LRRFIP2: variants seen among roughly 807,000 people sequenced by gnomAD.
The protein encoded by LRRFIP2 is leucine-rich repeat flightless-interacting protein 2.
A neutral mutation model predicts 125.9 loss-of-function variants in LRRFIP2; 109 were observed. The ratio of observed to expected loss-of-function variants is 0.87; its 90% CI spans 0.74 to 1.01. The LOEUF is 1.01. LRRFIP2 is among the 50% of genes least tolerant of loss of function. The pLI is 0.00. For missense variants in LRRFIP2, 850 were observed against 862.3 expected (o/e 0.99, Z 0.18); for synonymous variants, 291 against 293.1 (o/e 0.99, Z 0.07).
chr3:37,155,027 T>C (rs977108856), intron 1 of LRRFIP2, among the ~76,000 whole-genome samples: 2 of 152,354 alleles, frequency 1.3e-5, no homozygotes, highest in South Asian at 2.1e-4. Context: ...GTATATGGAA[T>C]TGTCCCTGAA....
intron 12 of LRRFIP2, among the ~76,000 whole-genome samples, chr3:37,108,331 C>T (rs1213683698): frequency 6.6e-6 from 1 of 152,194 alleles, no homozygotes; most frequent in East Asian, 1.9e-4. Context: ...GAAGGGGATG[C>T]CCTGAGAAGT....
At position 37,053,595 on chromosome 3, in the gene LRRFIP2, T is replaced by G; in HGVS notation, c.*256A>C. On this transcript the variant is annotated 3_prime_UTR_variant, in exon 28 of 28. Coordinates refer to ENST00000336686, the MANE Select transcript of LRRFIP2 (RefSeq NM_006309.4). ...GGGGAAAAACGTTGAGTAAACATGA[T>G]TCTACAATTACGGAGATAAAAAATA... is the stretch of plus-strand genomic sequence containing the variant. 1 of 408,892 alleles carries G rather than the reference T, an allele frequency of 2.4e-6. No homozygotes were observed. The highest frequency in any genetic ancestry group is 4.5e-6 in the Non-Finnish European group (1 of 224,148). 25.3% of individuals were successfully genotyped at this position (408,892 alleles called of 1,614,324 possible). A position where few individuals can be genotyped will look rare whatever the true frequency, so the allele number is the denominator to read the frequency against.
chr3:37,113,033 A>C, intron 7 of LRRFIP2, 53 bp from the exon 8 acceptor site: 1 of 992,218 alleles, frequency 1.0e-6, no homozygotes, highest in Non-Finnish European at 1.6e-6. Context: ...GAAGTTATGA[A>C]AATAATAAAA....
rs986670798 is a variant in LRRFIP2, at chr3:37,118,923, C to T, written c.330+2569G>A. Among the ~76,000 whole-genome samples the T allele has an allele frequency of 5.3e-5, 8 of 152,184 alleles. No homozygotes were observed. The South Asian group carries it at 1.5e-3, about 28-fold the overall frequency. On this transcript the variant is annotated intron_variant, in intron 6 of 27. Coordinates refer to ENST00000336686, the MANE Select transcript of LRRFIP2 (RefSeq NM_006309.4). The stretch of plus-strand genomic sequence containing the variant: ...CAGTGTTTAGGCCATCTACAGAGGA[C>T]AAAAGTTGTCTAACAATTCAGCTTA...
Position 37,127,640 on chromosome 3 carries a change from T to TGAATCTGTCCCCACTTCC in LRRFIP2, c.200_217dup (p.Arg67_Ile72dup). The TGAATCTGTCCCCACTTCC allele has an allele frequency of 6.2e-7, 1 of 1,613,990 alleles. No individual in the cohort carries two copies. The highest frequency in any genetic ancestry group is 2.2e-5 in the East Asian group (1 of 44,830). ...GCAATACTGGCCTACCAGCCACTTC[T>TGAATCTGTCCCCACTTCC]GAATCTGTCCCCACTTCCGATCAAA... On this transcript the variant is annotated inframe_insertion, in exon 4 of 28. Coordinates refer to ENST00000336686, the MANE Select transcript of LRRFIP2 (RefSeq NM_006309.4).
chr3:37,152,082 C>T (rs2096048186), intron 1 of LRRFIP2, among the ~76,000 whole-genome samples: 1 of 152,064 alleles, frequency 6.6e-6, no homozygotes, highest in African/African-American at 2.4e-5. Flanking sequence ...CATCAACCAA[C>T]AAGAAGATAA....
chr3:37,161,529 G>T (rs998062780), intron 1 of LRRFIP2, among the ~76,000 whole-genome samples: 17 of 152,142 alleles, frequency 1.1e-4, no homozygotes, highest in East Asian at 5.8e-4. Context: ...AAGTATAACA[G>T]ACTAGTGCTT....
chr3:37,133,615 A>C (rs538450272), intron 2 of LRRFIP2, among the ~76,000 whole-genome samples: 1 of 152,310 alleles, frequency 6.6e-6, no homozygotes, highest in East Asian at 1.9e-4. Flanking sequence ...GACAGAAAGC[A>C]CAATAGTGGT....
chr3:37,168,726 CAT>C (rs1175395361), intron 1 of LRRFIP2, among the ~76,000 whole-genome samples: 1 of 152,230 alleles, frequency 6.6e-6, no homozygotes, highest in African/African-American at 2.4e-5. Flanking sequence ...ATGGATTACA[CAT>C]ATTACAGTGG....
chr3:37,104,544 A>G (rs1393192532), intron 14 of LRRFIP2, among the ~76,000 whole-genome samples: 1 of 152,202 alleles, frequency 6.6e-6, no homozygotes, highest in African/African-American at 2.4e-5. Flanking sequence ...ATAATCTTTC[A>G]CATAACTCAT....
chr3:37,166,578 C>T (rs999771580), intron 1 of LRRFIP2, among the ~76,000 whole-genome samples: 2 of 152,116 alleles, frequency 1.3e-5, no homozygotes, highest in East Asian at 1.9e-4. Context: ...GATGCTCAGC[C>T]GGGCATGATG....
Position 37,127,639 on chromosome 3 carries a change from C to T in LRRFIP2, c.219G>A (p.Gln73=), listed in dbSNP as rs1194108201. 3 of 1,613,954 alleles carry T rather than the reference C, an allele frequency of 1.9e-6. No homozygotes were observed. Among genetic ancestry groups the T allele is most frequent in the Non-Finnish European group, 2.5e-6 (3 of 1,179,906 alleles). Residue 73 remains glutamine, a synonymous_variant, in exon 4 of 28, where the codon CAG becomes CAA. Transcript: ENST00000336686. ...HSFDRKWGQI[Q]KWLEDSERAR... ...GGCAATACTGGCCTACCAGCCACTT[C>T]TGAATCTGTCCCCACTTCCGATCAA...
Position 37,065,867 on chromosome 3 carries a change from T to C in LRRFIP2, c.1642A>G (p.Thr548Ala), listed in dbSNP as rs1277218330. Residue 548 changes from threonine (T) to alanine (A), a missense_variant, in exon 23 of 28, where the codon ACT becomes GCT. Thr to Ala is a moderately conservative substitution (Grantham distance 58). Coordinates refer to ENST00000336686, the MANE Select transcript of LRRFIP2 (RefSeq NM_006309.4). ...TGAGCAGCTTCCTGAGACACAACAG[T>C]GATGGCTCCAGCCACTGGTTCATGA... is the stretch of plus-strand genomic sequence containing the variant. ...VSHEPVAGAI[T>A]VVSQEAAQVL... The C allele has an allele frequency of 4.3e-6, 7 of 1,614,054 alleles. No homozygotes were observed. The highest frequency in any genetic ancestry group is 5.9e-6 in the Non-Finnish European group (7 of 1,180,014).
chr3:37,123,156 G>A (rs6787539), intron 4 of LRRFIP2, among the ~76,000 whole-genome samples: 53,398 of 151,998 alleles, frequency 0.35, 10,535 homozygotes, highest in Non-Finnish European at 0.45. Context: ...TTAGGAATTC[G>A]TCACTGATTT....
At chr3:37,059,573 G>A (rs1482439249) in intron 24 of LRRFIP2, among the ~76,000 whole-genome samples, 1 of 152,064 alleles carries the variant, frequency 6.6e-6, no homozygotes, top group East Asian at 1.9e-4. Flanking sequence ...CGGATCACAA[G>A]GTCAAGAGAT....
intron 21 of LRRFIP2, among the ~76,000 whole-genome samples, chr3:37,069,307 T>G (rs1042789876): frequency 6.6e-6 from 1 of 152,226 alleles, no homozygotes; most frequent in Non-Finnish European, 1.5e-5. Flanking sequence ...CACAGCAGCA[T>G]TATTCACAAT....
At chr3:37,136,966 G>A (rs55747863) in intron 2 of LRRFIP2, among the ~76,000 whole-genome samples, 3,293 of 92,476 alleles carry the variant, frequency 0.036, 78 homozygotes, top group Middle Eastern at 0.11. Flanking sequence ...TGGGGGGGGT[G>A]GGGGGGTGGG....
chr3:37,075,184 C>T, intron 19 of LRRFIP2, 68 bp from the exon 20 acceptor site: 1 of 1,066,368 alleles, frequency 9.4e-7, no homozygotes, highest in Non-Finnish European at 1.4e-6. Flanking sequence ...ATACACAATA[C>T]AACACAGAGG....
At chr3:37,090,207 T>C (rs1474356395) in intron 18 of LRRFIP2, among the ~76,000 whole-genome samples, 1 of 148,294 alleles carries the variant, frequency 6.7e-6, no homozygotes, top group Non-Finnish European at 1.5e-5. Context: ...GTGTAGTGTG[T>C]ATTTTACTTT....
Sources: gnomAD v4.1 joint callset for allele counts (sites outside exome capture counted in the v4.1 genomes callset) on GRCh38, gnomAD v4.1.1 for gene constraint, MANE v1.5 for transcripts, NCBI Gene and HGNC (gene_info 2026-07-23, HGNC 2026-07-21) for gene names.